The following BABAM1 variants were observed in gnomAD, a reference collection of about 807,000 sequenced individuals.
BABAM1 encodes the protein BRISC and BRCA1-A complex member 1.
Under a neutral mutation model 34.4 loss-of-function variants are expected in BABAM1, and 14 were observed. That is an observed-to-expected ratio of 0.41 (90% CI 0.27 to 0.64). The LOEUF (loss-of-function observed/expected upper bound fraction) is 0.64, where lower values mean the gene tolerates loss of function less well. Among genes scored for constraint, BABAM1 ranks in the 30% least tolerant of loss-of-function variants. The probability of loss-of-function intolerance (pLI) is 0.34; values close to 1 mark genes in which losing one functional copy is unlikely to be tolerated. For missense variants in BABAM1, 393 were observed against 434.0 expected (o/e 0.91, Z 0.84); for synonymous variants, 169 against 165.8 (o/e 1.02, Z -0.15).
rs2073802542 is a variant in BABAM1 at position 17,268,864 on chromosome 19, T to C, written c.58T>C (p.Ser20Pro). The C allele has an allele frequency of 1.9e-6, 3 of 1,607,114 alleles. No homozygotes were observed. The South Asian group carries it at 3.3e-5, about 18-fold the overall frequency. Reference protein sequence around the residue: ...TEEEEEEEEHSAEPRPRTRSN... With the variant: ...TEEEEEEEEHPAEPRPRTRSN... ...AGAGGAGGAGGAGGAAGAGGAGCAC[T>C]CGGCAGAGCCTCGGCCCCGCACTCG... Residue 20 changes from serine to proline, a missense_variant, in exon 2 of 9, where the codon TCG (serine) becomes CCG (proline). By Grantham distance (74) the Ser-to-Pro change is moderately conservative. Coordinates refer to ENST00000598188, the MANE Select transcript of BABAM1 (RefSeq NM_014173.4).
At chr19:17,275,570 G>A (rs369411077) in intron 5 of BABAM1, among the ~76,000 whole-genome samples, 6 of 152,160 alleles carry the variant, frequency 3.9e-5, no homozygotes, top group Non-Finnish European at 8.8e-5. Context: ...GATTGCAGGC[G>A]TGTGCCACCA....
rs769365714 is a variant in BABAM1, at chr19:17,271,614, G to C, written c.303G>C (p.Leu101=). 10 of 1,613,684 alleles carry C rather than the reference G, an allele frequency of 6.2e-6. No homozygotes were observed. The Admixed American group carries it at 1.7e-4, about 27-fold the overall frequency. The change falls in exon 3 of 9, where the codon CTG becomes CTC. Residue 101 remains leucine, a synonymous_variant. Transcript: ENST00000598188. ...CCTTGCAGATTATCTGCCTGGACCT[G>C]TCAGAGGAAATGTCACTGCCAAAGC... is the stretch of plus-strand genomic sequence containing the variant. The part of the protein sequence containing the change: ...CPEKVIICLD[L]SEEMSLPKLE...
At chr19:17,270,250 G>A (rs2073824142) in intron 2 of BABAM1, among the ~76,000 whole-genome samples, 2 of 151,996 alleles carry the variant, frequency 1.3e-5, no homozygotes, top group African/African-American at 2.4e-5. Flanking sequence ...AGGTTTCACC[G>A]TGTTAGCCAG....
At chr19:17,272,129 C>A (rs563386986) in intron 3 of BABAM1, among the ~76,000 whole-genome samples, 13 of 152,138 alleles carry the variant, frequency 8.5e-5, no homozygotes, top group African/African-American at 3.1e-4. Flanking sequence ...TTAGTAGAGA[C>A]AGAGTTTTGC....
At chr19:17,276,800 G>T (rs938887367) in intron 7 of BABAM1, 23 bp from the exon 8 acceptor site, 1 of 1,592,846 alleles carries the variant, frequency 6.3e-7, no homozygotes, top group Non-Finnish European at 8.6e-7. Flanking sequence ...CCCAGAGGCT[G>T]GTGTTCTTTA....
chr19:17,270,942 G>A lies in BABAM1; in HGVS notation c.286-655G>A, dbSNP rs1052408657. ...CCTGACCTCGTGATCCTCCCGTCTCGGCCTCCCAAAGTGCTGGGATTCCAG... is the reference window on the plus strand; with the variant it reads ...CCTGACCTCGTGATCCTCCCGTCTCAGCCTCCCAAAGTGCTGGGATTCCAG... On this transcript the variant is annotated intron_variant, in intron 2 of 8. Transcript: ENST00000598188. Among the ~76,000 whole-genome samples, 11 of 149,514 alleles carry A rather than the reference G, an allele frequency of 7.4e-5. No individual in the cohort carries two copies. The South Asian group carries it at 1.7e-3, about 23-fold the overall frequency.
chr19:17,277,034 C>A, intron 8 of BABAM1, 125 bp downstream of exon 8: 1 of 898,930 alleles, frequency 1.1e-6, no homozygotes. Context: ...TGGGGTAGGT[C>A]ATGGCATTGG....
intron 5 of BABAM1, among the ~76,000 whole-genome samples, chr19:17,274,903 G>A (rs759323872): frequency 6.6e-6 from 1 of 152,180 alleles, no homozygotes; most frequent in Non-Finnish European, 1.5e-5. Flanking sequence ...CAGCCATGCA[G>A]GAAAGGGGAC....
chr19:17,279,144 G>T lies in BABAM1; in HGVS notation c.*96G>T. ...GTTCCTTGGGACCTCCGGGGTGGGG[G>T]GGTTCCAGGAGGCACGTAGGGTACC... On this transcript the variant is annotated 3_prime_UTR_variant, in exon 9 of 9. Coordinates refer to ENST00000598188, the MANE Select transcript of BABAM1 (RefSeq NM_014173.4). 1 of 1,361,880 alleles carries T rather than the reference G, an allele frequency of 7.3e-7. No homozygotes were observed. The highest frequency in any genetic ancestry group is 1.4e-5 in the South Asian group (1 of 71,940). 84.4% of individuals were successfully genotyped at this position (1,361,880 alleles called of 1,614,324 possible). A position where few individuals can be genotyped will look rare whatever the true frequency, so the allele number is the denominator to read the frequency against.
At chr19:17,272,823 C>T (rs1486925291) in intron 3 of BABAM1, among the ~76,000 whole-genome samples, 3 of 152,190 alleles carry the variant, frequency 2.0e-5, no homozygotes, top group Non-Finnish European at 4.4e-5. Context: ...TCGAGACCAG[C>T]CTGGCCGACA....
At chr19:17,277,134 C>T (rs924929444) in intron 8 of BABAM1, 19 of 499,968 alleles carry the variant, frequency 3.8e-5, no homozygotes, top group Non-Finnish European at 6.7e-5. Flanking sequence ...TGAGTCCTGC[C>T]TCCCCCATCT....
intron 6 of BABAM1, 137 bp from the exon 7 acceptor site, chr19:17,276,358 C>T (rs2073907706): frequency 7.3e-7 from 1 of 1,376,090 alleles, no homozygotes; most frequent in African/African-American, 1.4e-5. Context: ...TATGGGATGC[C>T]TCACAGGCAG....
In BABAM1 at chr19:17,274,087, A is replaced by G. The variant is rs1384605646; in HGVS notation, c.466-20A>G. ...CTGGGGCCCGGGGAGCATCGCACTG[A>G]GGCCTCTGCTTCCCTGCAGCTGTCT... On this transcript the variant is annotated intron_variant, in intron 4 of 8. Transcript: ENST00000598188. The G allele has an allele frequency of 6.2e-7, 1 of 1,613,762 alleles. No individual in the cohort carries two copies.
chr19:17,275,687 G>A, intron 5 of BABAM1, 114 bp from the exon 6 acceptor site: 5 of 1,383,054 alleles, frequency 3.6e-6, no homozygotes, highest in African/African-American at 2.9e-5. Flanking sequence ...CTTGGCCAGG[G>A]TCACATGGTG....
intron 5 of BABAM1, 146 bp downstream of exon 5, chr19:17,274,331 C>A: frequency 9.8e-7 from 1 of 1,015,414 alleles, no homozygotes; most frequent in Non-Finnish European, 1.5e-6. Context: ...CCCTCTGAGC[C>A]TCAGTTTCCC....
At chr19:17,276,713 G>A in intron 7 of BABAM1, 89 bp downstream of exon 7, 1 of 1,556,004 alleles carries the variant, frequency 6.4e-7, no homozygotes, top group Non-Finnish European at 8.7e-7. Context: ...CAGAGGCTGG[G>A]GTGCCTAGAG....
Position 17,271,636 on chromosome 19 carries a change from A to G in BABAM1, c.325A>G (p.Lys109Glu), listed in dbSNP as rs1271471778. The change falls in exon 3 of 9, where the codon AAG (lysine) becomes GAG (glutamate). Residue 109 changes from lysine to glutamate, a missense_variant. Lys to Glu is a moderately conservative substitution (Grantham distance 56). Coordinates refer to ENST00000598188, the MANE Select transcript of BABAM1 (RefSeq NM_014173.4). ...LDLSEEMSLP[K>E]LESFNGSKTN... is the part of the protein sequence containing the mutation. ...CCTGTCAGAGGAAATGTCACTGCCA[A>G]AGCTGGAGTCGTTCAACGGGTAAGA... is the stretch of plus-strand genomic sequence containing the variant. The G allele has an allele frequency of 2.5e-6, 4 of 1,613,836 alleles. No individual in the cohort carries two copies. The highest frequency in any genetic ancestry group is 3.4e-6 in the Non-Finnish European group (4 of 1,179,830).
rs1407077796 is a variant in BABAM1 at position 17,267,457 on chromosome 19, T to TGTAAAGATGGC, written c.-82_-72dup. ...GGGGCTGCGCCGTACAACTTCCGGC[T>TGTAAAGATGGC]GTAAAGATGGCGGCTTCCTAGTGAG... On this transcript the variant is annotated 5_prime_UTR_variant, in exon 1 of 9. It adds an upstream start codon to the 5' untranslated region. Transcript: ENST00000598188. The TGTAAAGATGGC allele has an allele frequency of 6.6e-6, 1 of 152,184 alleles. No individual in the cohort carries two copies. Among genetic ancestry groups the TGTAAAGATGGC allele is most frequent in the Non-Finnish European group, 1.5e-5 (1 of 68,050 alleles). The allele number at this position is 152,184 out of a possible 1,614,324, so 9.4% of individuals were successfully genotyped here.
chr19:17,269,060 G>A lies in BABAM1; in HGVS notation c.254G>A (p.Arg85Gln), dbSNP rs527992252. 10 of 1,606,584 alleles carry A rather than the reference G, an allele frequency of 6.2e-6. No homozygotes were observed. Among genetic ancestry groups the A allele is most frequent in the African/African-American group, 4.0e-5 (3 of 74,906 alleles). Residue 85 changes from arginine (R) to glutamine (Q), a missense_variant, in exon 2 of 9, where the codon CGG (arginine) becomes CAG (glutamine). By Grantham distance (43) the Arg-to-Gln change is conservative. Transcript: ENST00000598188. ...VPPPAPEVQI[R>Q]TPRVNCPEKV... ...CCGCCAGCCCCTGAGGTCCAAATTC[G>A]GACACCAAGGGTCAACTGTCCAGAG...
Sources: gnomAD v4.1 joint callset for allele counts (sites outside exome capture counted in the v4.1 genomes callset) on GRCh38, gnomAD v4.1.1 for gene constraint, MANE v1.5 for transcripts, NCBI Gene and HGNC (gene_info 2026-07-23, HGNC 2026-07-21) for gene names.